TBX20: variants seen among roughly 807,000 people sequenced by gnomAD.
TBX20 encodes the protein T-box transcription factor 20, also known as T-box transcription factor TBX20.
A neutral mutation model predicts 42.9 loss-of-function variants in TBX20; 8 were observed. The observed-to-expected ratio is 0.19, with a 90% CI of 0.11 to 0.34. TBX20 has a LOEUF of 0.34. TBX20 is among the 10% of genes least tolerant of loss of function. The pLI, the probability that TBX20 is intolerant of heterozygous loss-of-function variation, is 1.00. For synonymous variants in TBX20, 198 were observed against 222.8 expected (o/e 0.89, Z 0.99); for missense variants, 411 against 566.0 (o/e 0.73, Z 2.78).
At position 35,209,372 on chromosome 7, in the gene TBX20, T is replaced by C. The variant is rs190960735; in HGVS notation, c.891-4790A>G. 1.3e-3 allele frequency among the ~76,000 whole-genome samples: 197 copies of C among 152,300 alleles called. 2 individuals carry two copies. The highest frequency in any genetic ancestry group is 1.8e-3 in the Non-Finnish European group (124 of 67,992). ...AATTCAAAACTATCAGAGTATCTGT[T>C]TTCTCTTGAATGAGCTTTGGTAGAT... On this transcript the variant is annotated intron_variant, in intron 6 of 7. Transcript: ENST00000408931.
At position 35,227,373 on chromosome 7, in the gene TBX20, G is replaced by A. The variant is rs13231959; in HGVS notation, c.890+4131C>T. On this transcript the variant is annotated intron_variant, in intron 6 of 7. Coordinates refer to ENST00000408931, the MANE Select transcript of TBX20 (RefSeq NM_001077653.2). ...TCCTAGGCCTTCATATTCACTGACC[G>A]CTCACCCAGAGCAAATTCCAGACCT... Among the ~76,000 whole-genome samples the A allele has an allele frequency of 4.6e-3, 707 of 152,082 alleles. 6 individuals are homozygous for A. Among genetic ancestry groups the A allele is most frequent in the African/African-American group, 0.016 (667 of 41,482 alleles).
intron 6 of TBX20, among the ~76,000 whole-genome samples, chr7:35,212,329 T>C (rs1584341722): frequency 6.6e-6 from 1 of 152,340 alleles, no homozygotes; most frequent in East Asian, 1.9e-4. Context: ...AATACAATCA[T>C]ACTAAGTGTC....
rs571625128 is a variant in TBX20, at chr7:35,208,584, A to T, written c.891-4002T>A. Among the ~76,000 whole-genome samples the T allele has an allele frequency of 2.5e-3, 378 of 152,064 alleles. 7 individuals carry two copies. The highest frequency in any genetic ancestry group is 8.6e-3 in the African/African-American group (357 of 41,478). On this transcript the variant is annotated intron_variant, in intron 6 of 7. Transcript: ENST00000408931. Reference sequence around the variant, plus strand: ...ATGGAGAAACCCCGTCTCTACTAAAAATACAAAATCAGCTGGGCATGATGG... The same window carrying T: ...ATGGAGAAACCCCGTCTCTACTAAATATACAAAATCAGCTGGGCATGATGG...
intron 5 of TBX20, 73 bp from the exon 6 acceptor site, chr7:35,231,653 T>A: frequency 1.0e-6 from 1 of 972,036 alleles, no homozygotes; most frequent in Non-Finnish European, 1.7e-6. Flanking sequence ...AGTTTGTTCA[T>A]TCTCCATAGC....
chr7:35,206,209 T>C (rs549693420), intron 6 of TBX20, among the ~76,000 whole-genome samples: 1 of 152,324 alleles, frequency 6.6e-6, no homozygotes, highest in East Asian at 1.9e-4. Context: ...AAACAAACTA[T>C]ATTGAGATAT....
intron 5 of TBX20, among the ~76,000 whole-genome samples, chr7:35,238,131 C>T (rs1045352492): frequency 5.3e-5 from 8 of 152,096 alleles, no homozygotes; most frequent in African/African-American, 1.9e-4. Context: ...TACGATTGTT[C>T]CTATCTCATG....
chr7:35,213,047 C>T (rs990196846), intron 6 of TBX20, among the ~76,000 whole-genome samples: 4 of 152,154 alleles, frequency 2.6e-5, no homozygotes, highest in African/African-American at 7.2e-5. Context: ...CTGTATTCTC[C>T]CCCACTGCCA....
At chr7:35,245,949 T>C (rs1256647383) in intron 3 of TBX20, among the ~76,000 whole-genome samples, 2 of 152,184 alleles carry the variant, frequency 1.3e-5, no homozygotes, top group African/African-American at 4.8e-5. Context: ...ATCCTTGATT[T>C]AATAGGACAA....
chr7:35,247,165 CAAAAAAAAAAA>C (rs757916672), intron 3 of TBX20, among the ~76,000 whole-genome samples: 4 of 79,636 alleles, frequency 5.0e-5, no homozygotes, highest in Non-Finnish European at 9.5e-5. Flanking sequence ...GACTGGAGGG[CAAAAAAAAAAA>C]AAAAAAAAAA....
Position 35,253,737 on chromosome 7 carries a change from G to A in TBX20, c.-117C>T. ...AAGTTTCCGAGAGCAGTCACAGCGG[G>A]GCCAGGGACTCCAGAAGTGTCAGCT... On this transcript the variant is annotated 5_prime_UTR_variant, in exon 1 of 8. Transcript: ENST00000408931. 1 of 1,360,960 alleles carries A rather than the reference G, an allele frequency of 7.3e-7. No homozygotes were observed. The highest frequency in any genetic ancestry group is 2.3e-5 in the East Asian group (1 of 42,996). The allele number at this position is 1,360,960 out of a possible 1,614,324, so 84.3% of individuals were successfully genotyped here. A position where few individuals can be genotyped will look rare whatever the true frequency, so the allele number is the denominator to read the frequency against.
chr7:35,202,639 T>C lies in TBX20; in HGVS notation c.1135A>G (p.Ile379Val). 3 of 1,613,832 alleles carry C rather than the reference T, an allele frequency of 1.9e-6. No individual in the cohort carries two copies. Among genetic ancestry groups the C allele is most frequent in the Admixed American group, 1.7e-5 (1 of 59,996 alleles). The change falls in exon 8 of 8, where the codon ATT becomes GTT. Residue 379 changes from isoleucine to valine, a missense_variant. Ile to Val is a conservative substitution (Grantham distance 29, BLOSUM62 3). This residue lies in a region of TBX20 where 162 missense variants were observed against 205.4 expected (regional missense o/e 0.79). Coordinates refer to ENST00000408931, the MANE Select transcript of TBX20 (RefSeq NM_001077653.2). The part of the protein sequence containing the change: ...GTSTASIATP[I>V]PHPIQGSLPP... ...AGAGAACCCTGGATGGGGTGAGGAA[T>C]GGGTGTTGCTATGGATGCTGTGCTG...
intron 6 of TBX20, among the ~76,000 whole-genome samples, chr7:35,216,176 A>G (rs2128711394): frequency 6.6e-6 from 1 of 152,330 alleles, no homozygotes; most frequent in Non-Finnish European, 1.5e-5. Context: ...AGTGTTCACC[A>G]GAAGCACCTG....
rs533793010 is a variant in TBX20, at chr7:35,208,867, T to G, written c.891-4285A>C. ...GATATAATATTCATTCTAGGTTTTT[T>G]GTACATACAATTTACTAGACTAAAG... On this transcript the variant is annotated intron_variant, in intron 6 of 7. Coordinates refer to ENST00000408931, the MANE Select transcript of TBX20 (RefSeq NM_001077653.2). Among the ~76,000 whole-genome samples the G allele has an allele frequency of 2.0e-5, 3 of 151,772 alleles. No homozygotes were observed. The East Asian group carries it at 5.8e-4, about 30-fold the overall frequency.
rs538712134 is a variant in TBX20 at position 35,241,560 on chromosome 7, A to C, written c.655-523T>G. Reference sequence around the variant, plus strand: ...CTTAGCCAGGTGATCTCATCTCCCCAATTCCTAGTTTTCTCATATGCAGAA... The same window carrying C: ...CTTAGCCAGGTGATCTCATCTCCCCCATTCCTAGTTTTCTCATATGCAGAA... On this transcript the variant is annotated intron_variant, in intron 4 of 7. Transcript: ENST00000408931. Among the ~76,000 whole-genome samples the C allele has an allele frequency of 2.0e-5, 3 of 152,310 alleles. No individual in the cohort carries two copies. The East Asian group carries it at 5.8e-4, about 29-fold the overall frequency.
intron 6 of TBX20, among the ~76,000 whole-genome samples, chr7:35,204,976 A>G (rs937448084): frequency 5.6e-4 from 86 of 152,354 alleles, no homozygotes; most frequent in African/African-American, 1.7e-3. Flanking sequence ...CAGCTAACAA[A>G]TACAAAACAA....
At chr7:35,203,855 A>G (rs1158371783) in intron 7 of TBX20, among the ~76,000 whole-genome samples, 1 of 152,162 alleles carries the variant, frequency 6.6e-6, no homozygotes, top group Non-Finnish European at 1.5e-5. Flanking sequence ...CTCTCCCCAT[A>G]CGAACTTTAC....
chr7:35,206,829 T>C (rs1281790348), intron 6 of TBX20, among the ~76,000 whole-genome samples: 1 of 152,238 alleles, frequency 6.6e-6, no homozygotes, highest in East Asian at 1.9e-4. Context: ...TCACTCAGCA[T>C]ATTTTAAGAT....
At chr7:35,241,810 C>A (rs1347206144) in intron 4 of TBX20, among the ~76,000 whole-genome samples, 2 of 151,992 alleles carry the variant, frequency 1.3e-5, no homozygotes, top group African/African-American at 4.8e-5. Context: ...AACAAGGCAG[C>A]CAATAGGTAG....
At chr7:35,244,119 AAAG>A (rs1236620703) in intron 4 of TBX20, among the ~76,000 whole-genome samples, 2 of 152,234 alleles carry the variant, frequency 1.3e-5, no homozygotes, top group Admixed American at 6.5e-5. Context: ...AAAATTATTA[AAAG>A]AAGAAAAAAA....
Sources: allele counts gnomAD v4.1 joint callset (sites outside exome capture counted in the v4.1 genomes callset), GRCh38; gene constraint gnomAD v4.1.1; regional missense constraint gnomAD v4.1.1; transcripts MANE v1.5; gene names NCBI Gene and HGNC (gene_info 2026-07-23, HGNC 2026-07-21).